The following RGSL1 variants were observed in gnomAD, a reference collection of about 807,000 sequenced individuals.
The protein encoded by RGSL1 is regulator of G protein signaling like 1, also known as regulator of G protein signaling protein-like.
In RGSL1, 97 loss-of-function variants were observed where a neutral mutation model predicts 124.7. The ratio of observed to expected loss-of-function variants is 0.78; its 90% CI spans 0.66 to 0.92. The LOEUF (loss-of-function observed/expected upper bound fraction) is 0.92. RGSL1 is among the 40% of genes least tolerant of loss of function. The pLI, the probability that RGSL1 is intolerant of heterozygous loss-of-function variation, is 0.00. For missense variants in RGSL1, 1,233 were observed against 1,288.4 expected, an observed-to-expected ratio of 0.96 and a Z score of 0.66; for synonymous variants, 424 against 438.1, an observed-to-expected ratio of 0.97 and a Z score of 0.40.
intron 9 of RGSL1, among the ~76,000 whole-genome samples, chr1:182,516,101 G>GC (rs1386684841): frequency 6.6e-6 from 1 of 152,184 alleles, no homozygotes; most frequent in Non-Finnish European, 1.5e-5. Flanking sequence ...TGCCTTTGTT[G>GC]CCCCAGGGCT....
At chr1:182,465,385 T>G (rs928555281) in intron 4 of RGSL1, among the ~76,000 whole-genome samples, 3 of 149,126 alleles carry the variant, frequency 2.0e-5, no homozygotes, top group Non-Finnish European at 4.4e-5. Flanking sequence ...ACACCGCATG[T>G]TCTCACTCAT....
intron 9 of RGSL1, among the ~76,000 whole-genome samples, chr1:182,498,368 A>T (rs938745519): frequency 6.6e-6 from 1 of 151,746 alleles, no homozygotes; most frequent in Non-Finnish European, 1.5e-5. Context: ...TCAGTCGTTT[A>T]TTTGAAGAGC....
chr1:182,486,282 T>TA (rs1054197139), intron 6 of RGSL1, among the ~76,000 whole-genome samples: 10 of 151,902 alleles, frequency 6.6e-5, no homozygotes, highest in African/African-American at 2.2e-4. Context: ...TAAATTTATT[T>TA]ATCTATTAAT....
upstream of RGSL1, chr1:182,450,066 T>C (rs1329890303): frequency 5.0e-6 from 7 of 1,397,606 alleles, no homozygotes; most frequent in Non-Finnish European, 7.0e-6. Context: ...TGGAACCCCT[T>C]AGAGAAGGTG....
chr1:182,490,720 CA>C, intron 8 of RGSL1, among the ~76,000 whole-genome samples: 1 of 152,222 alleles, frequency 6.6e-6, no homozygotes, highest in African/African-American at 2.4e-5. Flanking sequence ...GAATGTGAAC[CA>C]CCCTCCATGG....
chr1:182,500,113 CTT>C (rs763966698), intron 9 of RGSL1, among the ~76,000 whole-genome samples: 3 of 152,138 alleles, frequency 2.0e-5, no homozygotes, highest in Non-Finnish European at 4.4e-5. Context: ...AGGTTTACCT[CTT>C]TGTTTTATCC....
At position 182,489,175 on chromosome 1, in the gene RGSL1, G is replaced by C. The variant is rs749522221; in HGVS notation, c.1690G>C (p.Glu564Gln). The stretch of plus-strand genomic sequence containing the variant: ...GAAGCAAGGAGGCTCTCTCCAGGTA[G>C]AGCTGACATCTCCAGTGTTTCTAAC... ...DLKQGGSLQV[E>Q]LTSPVFLTDI... Residue 564 changes from glutamate to glutamine, a missense_variant, in exon 8 of 22, where the codon GAG becomes CAG. By Grantham distance (29) the Glu-to-Gln change is conservative. Coordinates refer to ENST00000294854, the MANE Select transcript of RGSL1 (RefSeq NM_001137669.2). 1.9e-6 allele frequency: 3 copies of C among 1,551,634 alleles called. No homozygotes were observed. The highest frequency in any genetic ancestry group is 2.6e-6 in the Non-Finnish European group (3 of 1,147,012).
intron 6 of RGSL1, among the ~76,000 whole-genome samples, chr1:182,481,217 A>G (rs1654680787): frequency 2.0e-5 from 3 of 152,114 alleles, no homozygotes; most frequent in South Asian, 2.1e-4. Flanking sequence ...GCTTAAAAAA[A>G]AGAGAGAGAA....
intron 10 of RGSL1, among the ~76,000 whole-genome samples, chr1:182,525,484 G>C (rs1215055849): frequency 1.3e-5 from 2 of 152,056 alleles, no homozygotes; most frequent in Admixed American, 1.3e-4. Context: ...GAGTTGAAAA[G>C]TACATAACTG....
intron 2 of RGSL1, among the ~76,000 whole-genome samples, chr1:182,455,385 C>G (rs1351162695): frequency 6.6e-6 from 1 of 152,088 alleles, no homozygotes; most frequent in East Asian, 1.9e-4. Context: ...AGTTTGAGAC[C>G]AGCCTGGCCA....
intron 9 of RGSL1, among the ~76,000 whole-genome samples, chr1:182,515,614 T>C (rs903563403): frequency 3.3e-5 from 5 of 151,618 alleles, no homozygotes; most frequent in Non-Finnish European, 2.9e-5. Context: ...ATGGGTTCCT[T>C]TAATTATTGT....
chr1:182,543,496 T>C (rs1660020450), intron 15 of RGSL1, among the ~76,000 whole-genome samples: 1 of 152,164 alleles, frequency 6.6e-6, no homozygotes, highest in Admixed American at 6.5e-5. Flanking sequence ...TCAGTGATAT[T>C]GGCCTGTAGT....
intron 15 of RGSL1, 77 bp from the exon 16 acceptor site, chr1:182,548,240 G>A: frequency 6.7e-7 from 1 of 1,488,328 alleles, no homozygotes; most frequent in African/African-American, 1.4e-5. Flanking sequence ...GGCCAGAAAT[G>A]AGTCTAGGCT....
At chr1:182,541,090 T>C (rs1024088031) in intron 15 of RGSL1, among the ~76,000 whole-genome samples, 2 of 152,196 alleles carry the variant, frequency 1.3e-5, no homozygotes, top group Non-Finnish European at 1.5e-5. Flanking sequence ...TTCTTTATGC[T>C]AGACAGATTC....
intron 10 of RGSL1, among the ~76,000 whole-genome samples, chr1:182,526,773 T>C (rs996507885): frequency 1.5e-4 from 23 of 152,120 alleles, no homozygotes; most frequent in African/African-American, 5.3e-4. Flanking sequence ...AAAAGGCTTT[T>C]ACAAAATCTA....
At chr1:182,472,784 TG>T (rs1178573031) in intron 5 of RGSL1, among the ~76,000 whole-genome samples, 2 of 152,190 alleles carry the variant, frequency 1.3e-5, no homozygotes, top group Non-Finnish European at 2.9e-5. Context: ...CAATGAAGGC[TG>T]GCTGGAAGGA....
At chr1:182,551,075 T>A (rs1356138631) in intron 17 of RGSL1, 25 bp from the exon 18 acceptor site, 4 of 1,516,858 alleles carry the variant, frequency 2.6e-6, no homozygotes, top group Non-Finnish European at 3.6e-6. Flanking sequence ...TTCCCTCCTA[T>A]GACCAGAAGC....
At chr1:182,545,516 G>A (rs59885781) in intron 15 of RGSL1, among the ~76,000 whole-genome samples, 2 of 152,074 alleles carry the variant, frequency 1.3e-5, no homozygotes, top group Non-Finnish European at 2.9e-5. Context: ...ACCTTCAAAG[G>A]CTTCCTTCTT....
chr1:182,531,570 G>A (rs532278446), intron 13 of RGSL1, among the ~76,000 whole-genome samples: 6 of 152,130 alleles, frequency 3.9e-5, no homozygotes, highest in East Asian at 1.9e-4. Context: ...AAGATATCTC[G>A]GAAAATAATA....
Sources: allele counts gnomAD v4.1 joint callset (sites outside exome capture counted in the v4.1 genomes callset), GRCh38; gene constraint gnomAD v4.1.1; transcripts MANE v1.5; gene names NCBI Gene and HGNC (gene_info 2026-07-23, HGNC 2026-07-21).